Variants in DAPK1 observed in about 807,000 individuals in gnomAD.
DAPK1 encodes death associated protein kinase 1, also known as death-associated protein kinase 1.
DAPK1 carries 56 observed loss-of-function variants against 144.9 expected under a neutral mutation model. The observed-to-expected ratio is 0.39, with a 90% CI of 0.31 to 0.48. The LOEUF (loss-of-function observed/expected upper bound fraction) is 0.48. Ranked by LOEUF, DAPK1 falls within the 20% of genes least tolerant of loss-of-function variation. The pLI is 0.95. For missense variants in DAPK1, 1,454 were observed against 1,875.4 expected, an observed-to-expected ratio of 0.78 and a Z score of 4.15; for synonymous variants, 690 against 749.0, an observed-to-expected ratio of 0.92 and a Z score of 1.29.
rs1825622790 is a variant in DAPK1 at position 87,706,082 on chromosome 9, C to G, written c.3061-50C>G. Reference sequence around the variant, plus strand: ...TTTAGTGCTCTAAGTGGCTGGTGCACCTGGCCAGGGCTCTGTCCCTAAGCG... The same window carrying G: ...TTTAGTGCTCTAAGTGGCTGGTGCAGCTGGCCAGGGCTCTGTCCCTAAGCG... On this transcript the variant is annotated intron_variant, in intron 25 of 25. Coordinates refer to ENST00000408954, the MANE Select transcript of DAPK1 (RefSeq NM_004938.4). This position sits in a 1 kb window ranked among gnomAD's most constrained non-coding sequence, Gnocchi z 9.0. 2 of 1,450,886 alleles carry G rather than the reference C, an allele frequency of 1.4e-6. No individual in the cohort carries two copies. The highest frequency in any genetic ancestry group is 1.9e-5 in the Admixed American group (1 of 51,768). The allele number at this position is 1,450,886 out of a possible 1,614,324, so 89.9% of individuals were successfully genotyped here. A position where few individuals can be genotyped will look rare whatever the true frequency, so the allele number is the denominator to read the frequency against.
chr9:87,515,114 A>G (rs1401045343), intron 2 of DAPK1, among the ~76,000 whole-genome samples: 1 of 152,228 alleles, frequency 6.6e-6, no homozygotes, highest in African/African-American at 2.4e-5. Context: ...ATATTACTGC[A>G]TGTAATTCCT....
chr9:87,681,381 G>T, intron 19 of DAPK1, 23 bp from the exon 20 acceptor site: 1 of 1,331,964 alleles, frequency 7.5e-7, no homozygotes, highest in African/African-American at 1.4e-5. Context: ...GTCACTCACT[G>T]GCTCTTTCTC....
rs146437909 is a variant in DAPK1 at position 87,704,015 on chromosome 9, C to T, written c.3060+798C>T. ...ATGCTTACCTCCCCAATCTCAGGTG[C>T]CAGGTCTGGCCCTATAGCCAGTTTG... is the stretch of plus-strand genomic sequence containing the variant. On this transcript the variant is annotated intron_variant, in intron 25 of 25. Coordinates refer to ENST00000408954, the MANE Select transcript of DAPK1 (RefSeq NM_004938.4). 5.3e-5 allele frequency among the ~76,000 whole-genome samples: 8 copies of T among 152,274 alleles called. No homozygotes were observed. The East Asian group carries it at 1.5e-3, about 29-fold the overall frequency.
chr9:87,509,538 T>A (rs1190500520), intron 2 of DAPK1, among the ~76,000 whole-genome samples: 2 of 152,142 alleles, frequency 1.3e-5, no homozygotes, highest in African/African-American at 4.8e-5. Context: ...TTTTATATTT[T>A]TAGTAGAGAT....
At chr9:87,574,966 C>T (rs1827487562) in intron 2 of DAPK1, among the ~76,000 whole-genome samples, 1 of 151,550 alleles carries the variant, frequency 6.6e-6, no homozygotes, top group Admixed American at 6.6e-5. Flanking sequence ...ACCTGTAATC[C>T]CAGCACTTTG....
At chr9:87,619,481 C>G (rs1395529832) in intron 3 of DAPK1, among the ~76,000 whole-genome samples, 1 of 152,152 alleles carries the variant, frequency 6.6e-6, no homozygotes, top group Non-Finnish European at 1.5e-5. Flanking sequence ...CAATGAGGAG[C>G]TTTTTCATGG....
chr9:87,513,082 A>C (rs1824911266), intron 2 of DAPK1, among the ~76,000 whole-genome samples: 1 of 152,382 alleles, frequency 6.6e-6, no homozygotes, highest in African/African-American at 2.4e-5. Flanking sequence ...TATAAGGTGA[A>C]TTTAGGTAAA....
At position 87,707,051 on chromosome 9, in the gene DAPK1, G is replaced by C; in HGVS notation, c.3980G>C (p.Trp1327Ser). Residue 1327 changes from tryptophan (W) to serine (S), a missense_variant, in exon 26 of 26, where the codon TGG (tryptophan) becomes TCG (serine). Trp to Ser is a radical substitution (Grantham distance 177, BLOSUM62 -3). Transcript: ENST00000408954. The surrounding 1 kb of genome is among the most constrained non-coding windows in gnomAD (Gnocchi z 4.0). The stretch of plus-strand genomic sequence containing the variant: ...CCGCCCGACCCCCTGGGGAAGGACT[G>C]GTGCCTTCTCGCCATGAACTTAGGC... Reference protein sequence around the residue: ...LDPPDPLGKDWCLLAMNLGLP... With the variant: ...LDPPDPLGKDSCLLAMNLGLP... The C allele has an allele frequency of 1.2e-6, 2 of 1,613,566 alleles. No homozygotes were observed. Among genetic ancestry groups the C allele is most frequent in the Non-Finnish European group, 8.5e-7 (1 of 1,179,592 alleles).
intron 2 of DAPK1, among the ~76,000 whole-genome samples, chr9:87,542,023 A>G (rs1000575051): frequency 1.3e-5 from 2 of 152,246 alleles, no homozygotes; most frequent in African/African-American, 4.8e-5. Flanking sequence ...ATTTAATGAC[A>G]GCAGCAGGAA....
intron 3 of DAPK1, among the ~76,000 whole-genome samples, chr9:87,620,798 A>G (rs970827948): frequency 1.3e-5 from 2 of 152,214 alleles, no homozygotes; most frequent in East Asian, 1.9e-4. Context: ...AAACCCATCT[A>G]TGGCTCTCCC....
chr9:87,587,881 C>A (rs933488234), intron 2 of DAPK1, among the ~76,000 whole-genome samples: 2 of 152,168 alleles, frequency 1.3e-5, no homozygotes, highest in Non-Finnish European at 1.5e-5. Flanking sequence ...TTGGCACATG[C>A]CTAAAAGATG....
chr9:87,601,022 AGTT>A (rs1828497068), intron 2 of DAPK1, among the ~76,000 whole-genome samples: 1 of 152,146 alleles, frequency 6.6e-6, no homozygotes, highest in Non-Finnish European at 1.5e-5. Context: ...TGTTTTTTTA[AGTT>A]GTTGTTGTCT....
rs1053963133 is a variant in DAPK1, at chr9:87,642,890, A to G, written c.919-486A>G. On this transcript the variant is annotated intron_variant, in intron 10 of 25. Coordinates refer to ENST00000408954, the MANE Select transcript of DAPK1 (RefSeq NM_004938.4). ...GAGTAAATGCAGAGATGTTTGTTCT[A>G]TAGACTAAGAGGTCCCCCAGCTGTT... Among the ~76,000 whole-genome samples, 5 of 152,222 alleles carry G rather than the reference A, an allele frequency of 3.3e-5. No homozygotes were observed. In the South Asian group the frequency reaches 6.2e-4, roughly 19 times the overall value.
At position 87,658,104 on chromosome 9, in the gene DAPK1, GC is replaced by G; in HGVS notation, c.1902del (p.Ser635AlafsTer5). On this transcript the variant is annotated frameshift_variant, in exon 18 of 26. Coordinates refer to ENST00000408954, the MANE Select transcript of DAPK1 (RefSeq NM_004938.4). LOFTEE classifies it high-confidence loss of function. ...GGTCCGGTATCTCTGTCTGATGGGA[GC>G]CAGCGTTGAGGCGCTGACCACGGTG... ...DVVRYLCLMGASVEALTTDGK... is the reference protein window; with the variant it reads ...DVVRYLCLMGXSVEALTTDGK... The G allele has an allele frequency of 6.6e-7, 1 of 1,507,406 alleles. No individual in the cohort carries two copies. Among genetic ancestry groups the G allele is most frequent in the Non-Finnish European group, 9.2e-7 (1 of 1,083,884 alleles). The allele number at this position is 1,507,406 out of a possible 1,614,324, so 93.4% of individuals were successfully genotyped here. A position where few individuals can be genotyped will look rare whatever the true frequency, so the allele number is the denominator to read the frequency against.
intron 2 of DAPK1, among the ~76,000 whole-genome samples, chr9:87,584,309 C>T (rs941973097): frequency 4.9e-4 from 74 of 151,958 alleles, no homozygotes; most frequent in Admixed American, 4.6e-3. Context: ...TTTTTCTGGC[C>T]GAATAGTATT....
chr9:87,656,929 AG>A (rs1830649162), intron 17 of DAPK1, among the ~76,000 whole-genome samples: 1 of 152,188 alleles, frequency 6.6e-6, no homozygotes, highest in Non-Finnish European at 1.5e-5. Context: ...CTTGAGAGTA[AG>A]GGGGGAGGGG....
intron 3 of DAPK1, chr9:87,632,234 G>A (rs764977592): frequency 3.6e-5 from 35 of 976,956 alleles, no homozygotes; most frequent in East Asian, 3.5e-4. Context: ...AAGGAGGATC[G>A]GTATATATAG....
intron 17 of DAPK1, among the ~76,000 whole-genome samples, chr9:87,655,757 G>A (rs10122358): frequency 0.098 from 14,978 of 152,234 alleles, 2,460 homozygotes; most frequent in African/African-American, 0.34. Context: ...GAAAGGAAAG[G>A]GAATAGATGG....
At chr9:87,623,055 G>A (rs961908305) in intron 3 of DAPK1, among the ~76,000 whole-genome samples, 1 of 152,168 alleles carries the variant, frequency 6.6e-6, no homozygotes, top group African/African-American at 2.4e-5. Flanking sequence ...TTGAGTCAGT[G>A]GGTTGGGTAA....
Sources: gnomAD v4.1 joint callset for allele counts (sites outside exome capture counted in the v4.1 genomes callset) on GRCh38, gnomAD v4.1.1 for gene constraint, Gnocchi (gnomAD v3.1) non-coding constraint, MANE v1.5 for transcripts, NCBI Gene and HGNC (gene_info 2026-07-23, HGNC 2026-07-21) for gene names.